The following ACOXL variants were observed in gnomAD, a reference collection of about 807,000 sequenced individuals.
ACOXL encodes the protein acyl-CoA oxidase like, also known as acyl-coenzyme A oxidase-like protein.
A neutral mutation model predicts 71.9 loss-of-function variants in ACOXL; 70 were observed. The observed-to-expected ratio is 0.97, with a 90% CI of 0.80 to 1.19. The LOEUF is 1.19. ACOXL is among the 50% of genes most tolerant of loss of function. The pLI, the probability that ACOXL is intolerant of heterozygous loss-of-function variation, is 0.00. For missense variants in ACOXL, 703 were observed against 736.3 expected, an observed-to-expected ratio of 0.95 and a Z score of 0.52; for synonymous variants, 253 against 281.6, an observed-to-expected ratio of 0.90 and a Z score of 1.02.
intron 13 of ACOXL, among the ~76,000 whole-genome samples, chr2:110,992,307 A>G (rs1311412300): frequency 6.6e-6 from 1 of 152,110 alleles, no homozygotes; most frequent in Non-Finnish European, 1.5e-5. Flanking sequence ...AACTTTACTT[A>G]CTCTGACTTT....
At chr2:110,853,242 G>C (rs1211708727) in intron 10 of ACOXL, among the ~76,000 whole-genome samples, 2 of 152,216 alleles carry the variant, frequency 1.3e-5, no homozygotes, top group Non-Finnish European at 2.9e-5. Context: ...CTGACTGGCA[G>C]CTACGGTGGA....
chr2:110,979,951 G>T (rs2062629529), intron 12 of ACOXL, among the ~76,000 whole-genome samples: 1 of 152,162 alleles, frequency 6.6e-6, no homozygotes, highest in East Asian at 1.9e-4. Context: ...GGCCATGGGG[G>T]TTATGAGGGG....
intron 14 of ACOXL, among the ~76,000 whole-genome samples, chr2:111,017,516 A>C (rs2064515388): frequency 6.6e-6 from 1 of 152,186 alleles, no homozygotes; most frequent in Non-Finnish European, 1.5e-5. Context: ...AGTGGCCTTT[A>C]TTGGGGAGGA....
At chr2:111,025,830 C>T (rs183726901) in intron 14 of ACOXL, among the ~76,000 whole-genome samples, 2 of 152,234 alleles carry the variant, frequency 1.3e-5, no homozygotes, top group East Asian at 3.9e-4. Context: ...AAATCTAAAC[C>T]AAGGTCACTA....
Position 111,118,049 on chromosome 2 carries a change from C to T in ACOXL, c.*233C>T. ...GGATCCCTGTGCCCTTTCCCTGAAA[C>T]CCAGCCTGGCCTGACTGCAACCTCT... On this transcript the variant is annotated 3_prime_UTR_variant, in exon 18 of 18. Transcript: ENST00000439055. 2 of 593,912 alleles carry T rather than the reference C, an allele frequency of 3.4e-6. No homozygotes were observed. Among genetic ancestry groups the T allele is most frequent in the Non-Finnish European group, 5.9e-6 (2 of 336,982 alleles). The allele number at this position is 593,912 out of a possible 1,614,324, so 36.8% of individuals were successfully genotyped here.
chr2:111,066,939 C>A (rs1291908775), intron 16 of ACOXL, among the ~76,000 whole-genome samples: 3 of 152,094 alleles, frequency 2.0e-5, no homozygotes, highest in Non-Finnish European at 2.9e-5. Context: ...CTGCATAGTT[C>A]TATGAGAATT....
chr2:110,797,446 G>A (rs1685416261), intron 5 of ACOXL, among the ~76,000 whole-genome samples: 1 of 151,976 alleles, frequency 6.6e-6, no homozygotes, highest in African/African-American at 2.4e-5. Flanking sequence ...CAGGGAAATA[G>A]AGAGACATTT....
intron 16 of ACOXL, among the ~76,000 whole-genome samples, chr2:111,049,907 G>A (rs1295642734): frequency 6.7e-6 from 1 of 148,534 alleles, no homozygotes. Context: ...TGAGCCAAAA[G>A]TGTGGAAAAC....
At chr2:110,813,128 T>G (rs916253802) in intron 9 of ACOXL, among the ~76,000 whole-genome samples, 2 of 152,162 alleles carry the variant, frequency 1.3e-5, no homozygotes, top group African/African-American at 2.4e-5. Context: ...CATTCACAGA[T>G]GGGCAGCCAG....
At chr2:111,024,188 C>T (rs373926613) in intron 14 of ACOXL, among the ~76,000 whole-genome samples, 237 of 152,278 alleles carry the variant, frequency 1.6e-3, no homozygotes, top group African/African-American at 5.5e-3. Flanking sequence ...TTACTCTCTC[C>T]GTCCTCTCTG....
intron 2 of ACOXL, among the ~76,000 whole-genome samples, chr2:110,778,551 A>ACTGG (rs1332860973): frequency 6.6e-6 from 1 of 152,206 alleles, no homozygotes; most frequent in African/African-American, 2.4e-5. Context: ...AGGGTTCATG[A>ACTGG]CTGGCTGCTC....
At chr2:111,097,935 G>A (rs1324520497) in intron 17 of ACOXL, among the ~76,000 whole-genome samples, 1 of 152,176 alleles carries the variant, frequency 6.6e-6, no homozygotes. Flanking sequence ...GTGTGGGTTG[G>A]ACTTTAGCAA....
chr2:110,764,633 A>C (rs1449608134), intron 1 of ACOXL, among the ~76,000 whole-genome samples: 2 of 152,174 alleles, frequency 1.3e-5, no homozygotes, highest in African/African-American at 4.8e-5. Context: ...ATGAACCCTA[A>C]TGTAAACTGT....
intron 16 of ACOXL, among the ~76,000 whole-genome samples, chr2:111,085,372 A>C (rs1373444042): frequency 6.6e-6 from 1 of 152,228 alleles, no homozygotes. Flanking sequence ...AAATCATACC[A>C]ACCATGCTCT....
At chr2:110,846,641 G>GCGCACACACACACACACACACA (rs148602789) in intron 10 of ACOXL, among the ~76,000 whole-genome samples, 31 of 137,926 alleles carry the variant, frequency 2.2e-4, no homozygotes, top group South Asian at 5.2e-4. Flanking sequence ...ATGCATACAC[G>GCGCACACACACACACACACACA]CACACACACA....
chr2:110,739,403 G>A (rs146837328), intron 1 of ACOXL, among the ~76,000 whole-genome samples: 325 of 152,310 alleles, frequency 2.1e-3, no homozygotes, highest in Non-Finnish European at 3.8e-3. Flanking sequence ...CATGCACAAC[G>A]TGAGGCTGGT....
chr2:111,020,589 A>G (rs1241254764), intron 14 of ACOXL, among the ~76,000 whole-genome samples: 1 of 152,206 alleles, frequency 6.6e-6, no homozygotes, highest in Non-Finnish European at 1.5e-5. Context: ...GCACATGTGC[A>G]TGTGCATATG....
intron 10 of ACOXL, among the ~76,000 whole-genome samples, chr2:110,865,298 C>T (rs1173957539): frequency 6.6e-6 from 1 of 152,198 alleles, no homozygotes; most frequent in Non-Finnish European, 1.5e-5. Flanking sequence ...GAGCACACGG[C>T]AGGTGCGTAG....
intron 9 of ACOXL, among the ~76,000 whole-genome samples, chr2:110,839,207 G>A (rs1690836446): frequency 1.3e-5 from 2 of 150,934 alleles, no homozygotes; most frequent in Non-Finnish European, 1.5e-5. Context: ...TTTCAACTGT[G>A]GAAAAGCCAC....
Sources: gnomAD v4.1 joint callset for allele counts (sites outside exome capture counted in the v4.1 genomes callset) on GRCh38, gnomAD v4.1.1 for gene constraint, MANE v1.5 for transcripts, NCBI Gene and HGNC (gene_info 2026-07-23, HGNC 2026-07-21) for gene names.